METTL25: variants seen among roughly 807,000 people sequenced by gnomAD.
METTL25 encodes methyltransferase like 25.
Under a neutral mutation model 71.6 loss-of-function variants are expected in METTL25, and 64 were observed. That is an observed-to-expected ratio of 0.89 (90% CI 0.73 to 1.10). The LOEUF (loss-of-function observed/expected upper bound fraction) is 1.10, where lower values mean the gene tolerates loss of function less well. Ranked by LOEUF, METTL25 falls within the 50% of genes least tolerant of loss-of-function variation. The pLI is 0.00. For missense variants in METTL25, 807 were observed against 707.0 expected (o/e 1.14, Z -1.60); for synonymous variants, 287 against 250.3 (o/e 1.15, Z -1.38).
chr12:82,452,201 G>A lies in METTL25; in HGVS notation c.1479-4526G>A, dbSNP rs151326983. 2.7e-3 allele frequency among the ~76,000 whole-genome samples: 414 copies of A among 152,208 alleles called. 2 individuals are homozygous for A. The highest frequency in any genetic ancestry group is 9.1e-3 in the African/African-American group (376 of 41,530). On this transcript the variant is annotated intron_variant, in intron 8 of 11. Coordinates refer to ENST00000248306, the MANE Select transcript of METTL25 (RefSeq NM_032230.3). ...TTTTGTGAATTTTCTTTTATAGCGC[G>A]TTCTCTTATAAATAAGACTGCCATT...
rs1720482046 is a variant in METTL25 at position 82,389,929 on chromosome 12, G to A, written c.531+7G>A. The A allele has an allele frequency of 1.4e-6, 2 of 1,446,052 alleles. No individual in the cohort carries two copies. Among genetic ancestry groups the A allele is most frequent in the Non-Finnish European group, 1.9e-6 (2 of 1,033,236 alleles). The allele number at this position is 1,446,052 out of a possible 1,614,324, so 89.6% of individuals were successfully genotyped here. On this transcript the variant is annotated splice_region_variant and intron_variant, in intron 3 of 11. Coordinates refer to ENST00000248306, the MANE Select transcript of METTL25 (RefSeq NM_032230.3). ...CTACTATGGAATAAAGCAGGTAAGAGTATTTCCGTATGTTTTTAGGTGTTA... is the reference window on the plus strand; with the variant it reads ...CTACTATGGAATAAAGCAGGTAAGAATATTTCCGTATGTTTTTAGGTGTTA...
At chr12:82,390,612 T>G (rs919931835) in intron 3 of METTL25, among the ~76,000 whole-genome samples, 11 of 152,054 alleles carry the variant, frequency 7.2e-5, no homozygotes, top group Admixed American at 7.2e-4. Flanking sequence ...TTAGAATCTT[T>G]CCATGGATTC....
At chr12:82,447,609 A>G (rs370552065) in intron 8 of METTL25, among the ~76,000 whole-genome samples, 2 of 152,148 alleles carry the variant, frequency 1.3e-5, no homozygotes, top group Non-Finnish European at 2.9e-5. Context: ...ACAAGATTCA[A>G]TGTCATAGTT....
In METTL25 at chr12:82,400,589, T is replaced by TTAAA. The variant is rs140131936; in HGVS notation, c.1131+1195_1131+1196insTAAA. Among the ~76,000 whole-genome samples the TTAAA allele has an allele frequency of 2.0e-5, 3 of 151,884 alleles. No homozygotes were observed. In the East Asian group the frequency reaches 5.8e-4, roughly 29 times the overall value. ...CAATCTCAATGACTTTAGTTTAACT[T>TTAAA]AAATGTAAATTTCTAGTACATTTTG... On this transcript the variant is annotated intron_variant, in intron 4 of 11. Transcript: ENST00000248306.
Position 82,409,529 on chromosome 12 carries a change from A to AT in METTL25, c.1279+6405dup, listed in dbSNP as rs201462855. Among the ~76,000 whole-genome samples the AT allele has an allele frequency of 4.7e-3, 712 of 152,168 alleles. 6 individuals are homozygous for AT. Among genetic ancestry groups the AT allele is most frequent in the African/African-American group, 0.016 (662 of 41,516 alleles). ...ACTAGTTACCAATTCAGATCCACAC[A>AT]TTTTTTCTTCTTTGCTAACTGAACC... On this transcript the variant is annotated intron_variant, in intron 5 of 11. Coordinates refer to ENST00000248306, the MANE Select transcript of METTL25 (RefSeq NM_032230.3).
Position 82,472,917 on chromosome 12 carries a change from A to G in METTL25, c.1573-3727A>G, listed in dbSNP as rs747967558. Among the ~76,000 whole-genome samples, 306 of 152,092 alleles carry G rather than the reference A, an allele frequency of 2.0e-3. 1 individual carries two copies. The highest frequency in any genetic ancestry group is 2.7e-3 in the Non-Finnish European group (183 of 68,018). ...TTGATGTGTCCCTACATTGGTTTCT[A>G]TGCACTCAGTGGAAAAGTCACATCA... On this transcript the variant is annotated intron_variant, in intron 9 of 11. Transcript: ENST00000248306.
At chr12:82,413,501 C>A (rs1432726301) in intron 5 of METTL25, among the ~76,000 whole-genome samples, 1 of 151,802 alleles carries the variant, frequency 6.6e-6, no homozygotes, top group Non-Finnish European at 1.5e-5. Context: ...TCTAGATGTC[C>A]AAGGGAGTGC....
In METTL25 at chr12:82,466,533, T is replaced by C. The variant is rs113866937; in HGVS notation, c.1572+9713T>C. On this transcript the variant is annotated intron_variant, in intron 9 of 11. Coordinates refer to ENST00000248306, the MANE Select transcript of METTL25 (RefSeq NM_032230.3). ...AAGGTATGGTTAATCCTGGTGAATA[T>C]TCCATGTACTGATGAAAAGAATGTG... is the stretch of plus-strand genomic sequence containing the variant. Among the ~76,000 whole-genome samples, 457 of 152,202 alleles carry C rather than the reference T, an allele frequency of 3.0e-3. 3 individuals carry two copies. The highest frequency in any genetic ancestry group is 0.011 in the African/African-American group (440 of 41,566).
chr12:82,457,331 G>GAA (rs11412218), intron 9 of METTL25, among the ~76,000 whole-genome samples: 36 of 150,148 alleles, frequency 2.4e-4, no homozygotes, highest in Admixed American at 4.0e-4. Context: ...ACCACTGAGG[G>GAA]AAAAAAAAAC....
chr12:82,448,844 A>G (rs2137226790), intron 8 of METTL25, among the ~76,000 whole-genome samples: 1 of 152,310 alleles, frequency 6.6e-6, no homozygotes, highest in East Asian at 1.9e-4. Context: ...GTCTTTCAAT[A>G]TGTATTAGCA....
chr12:82,368,496 G>T (rs764109265), intron 1 of METTL25, among the ~76,000 whole-genome samples: 1 of 152,126 alleles, frequency 6.6e-6, no homozygotes, highest in Non-Finnish European at 1.5e-5. Context: ...CCTCTAGCTA[G>T]CTTCATGAAT....
chr12:82,409,761 C>A (rs971735446), intron 5 of METTL25, among the ~76,000 whole-genome samples: 6 of 152,002 alleles, frequency 3.9e-5, no homozygotes, highest in African/African-American at 1.4e-4. Flanking sequence ...ATGTTTACCC[C>A]CAGCCTTAAT....
Position 82,419,386 on chromosome 12 carries a change from G to A in METTL25, c.1280-11507G>A, listed in dbSNP as rs115350344. 3.8e-3 allele frequency among the ~76,000 whole-genome samples: 583 copies of A among 152,164 alleles called. 4 individuals carry two copies. The highest frequency in any genetic ancestry group is 0.013 in the African/African-American group (543 of 41,544). Reference sequence around the variant, plus strand: ...TGAAGGGAAAAGATAGACATCAGTTGCCTGCTTTTCAGTTGTACAACGAGA... The same window carrying A: ...TGAAGGGAAAAGATAGACATCAGTTACCTGCTTTTCAGTTGTACAACGAGA... On this transcript the variant is annotated intron_variant, in intron 5 of 11. Coordinates refer to ENST00000248306, the MANE Select transcript of METTL25 (RefSeq NM_032230.3).
chr12:82,380,955 A>G (rs1264099741), intron 1 of METTL25, among the ~76,000 whole-genome samples: 2 of 152,212 alleles, frequency 1.3e-5, no homozygotes, highest in Non-Finnish European at 2.9e-5. Flanking sequence ...AGACAGAGGT[A>G]AAAACAAGTG....
intron 9 of METTL25, among the ~76,000 whole-genome samples, chr12:82,475,312 T>C (rs978890130): frequency 6.6e-6 from 1 of 152,178 alleles, no homozygotes; most frequent in Non-Finnish European, 1.5e-5. Flanking sequence ...TACAAAAGTT[T>C]GCTCCAGCAG....
intron 8 of METTL25, among the ~76,000 whole-genome samples, chr12:82,447,048 A>G (rs1890803506): frequency 6.6e-6 from 1 of 152,204 alleles, no homozygotes; most frequent in African/African-American, 2.4e-5. Flanking sequence ...CTTGAAATAA[A>G]TGACCTCAAG....
chr12:82,430,778 TTAAC>T, intron 5 of METTL25, 111 bp from the exon 6 acceptor site: 1 of 563,472 alleles, frequency 1.8e-6, no homozygotes, highest in Non-Finnish European at 3.2e-6. Flanking sequence ...ATTTCCATGT[TTAAC>T]TACTGTTTTT....
At position 82,440,977 on chromosome 12, in the gene METTL25, A is replaced by G. The variant is rs1479206016; in HGVS notation, c.1478+2186A>G. Among the ~76,000 whole-genome samples the G allele has an allele frequency of 2.0e-5, 3 of 152,032 alleles. No individual in the cohort carries two copies. The South Asian group carries it at 6.2e-4, about 31-fold the overall frequency. ...TTCTGGAATAGGCAACTGTCCACCC[A>G]TCAACAGAGAGGGTGAGCACAGCTT... On this transcript the variant is annotated intron_variant, in intron 8 of 11. Transcript: ENST00000248306.
At chr12:82,474,356 C>A (rs1271613310) in intron 9 of METTL25, 1 of 152,302 alleles carries the variant, frequency 6.6e-6, no homozygotes, top group Non-Finnish European at 1.5e-5. Context: ...CTGCTGCACT[C>A]CAGTGCTCTC....
Sources: allele counts gnomAD v4.1 joint callset (sites outside exome capture counted in the v4.1 genomes callset), GRCh38; gene constraint gnomAD v4.1.1; transcripts MANE v1.5; gene names NCBI Gene and HGNC (gene_info 2026-07-23, HGNC 2026-07-21).